ZMYND8: variants seen among roughly 807,000 people sequenced by gnomAD.
ZMYND8 encodes the protein zinc finger MYND-type containing 8, also known as MYND-type zinc finger-containing chromatin reader ZMYND8.
Under a neutral mutation model 140.8 loss-of-function variants are expected in ZMYND8, and 37 were observed. The observed-to-expected ratio is 0.26, with a 90% confidence interval of 0.20 to 0.35. The LOEUF (loss-of-function observed/expected upper bound fraction) is 0.35. ZMYND8 is among the 10% of genes least tolerant of loss of function. The pLI is 1.00. For missense variants in ZMYND8, 1,068 were observed against 1,570.0 expected (o/e 0.68, Z 5.40); for synonymous variants, 592 against 597.1 (o/e 0.99, Z 0.12).
chr20:47,222,122 AT>A (rs1180788010), intron 19 of ZMYND8, among the ~76,000 whole-genome samples: 1 of 152,208 alleles, frequency 6.6e-6, no homozygotes, highest in Non-Finnish European at 1.5e-5. Flanking sequence ...GGAGACCTAT[AT>A]TTTTAGCCCC....
rs1262247576 is a variant in ZMYND8, at chr20:47,236,448, A to G, written c.2734T>C (p.Ser912Pro). The G allele has an allele frequency of 1.9e-6, 3 of 1,613,374 alleles. No individual in the cohort carries two copies. In the South Asian group the frequency reaches 3.3e-5, roughly 18 times the overall value. The change falls in exon 16 of 23, where the codon TCA becomes CCA. Residue 912 changes from serine to proline, a missense_variant. Ser to Pro is a moderately conservative substitution (Grantham distance 74). Coordinates refer to ENST00000471951, the MANE Select transcript of ZMYND8 (RefSeq NM_001281775.3). The stretch of plus-strand genomic sequence containing the variant: ...CCCGAGCTGGTGACCAGGGGCGATG[A>G]CTGTGTGCTGGTCACCAGGGTGATG... ...STITLVTSTQ[S>P]SPLVTSSGSM...
chr20:47,324,572 C>T (rs1363405376), intron 2 of ZMYND8, among the ~76,000 whole-genome samples: 1 of 152,090 alleles, frequency 6.6e-6, no homozygotes, highest in Non-Finnish European at 1.5e-5. Context: ...CTGCTTAAAA[C>T]CCTCAAAGAG....
chr20:47,341,859 C>T (rs2081920971), intron 2 of ZMYND8, among the ~76,000 whole-genome samples: 1 of 151,978 alleles, frequency 6.6e-6, no homozygotes, highest in South Asian at 2.1e-4. Flanking sequence ...AAAAATTAGC[C>T]GGGCGTGGTG....
rs546178669 is a variant in ZMYND8, at chr20:47,262,373, C to T, written c.1536G>A (p.Lys512=). ...GQAGSLSGSP[K]PFSPQLSAPI... is the part of the protein sequence containing the mutation. ...GAGCTGACAGTTGAGGAGAGAAGGG[C>T]TTTGGGCTGCCGGATAAACTCCCTG... The change falls in exon 12 of 23, where the codon AAG becomes AAA. Residue 512 remains lysine (K), a synonymous_variant. Coordinates refer to ENST00000471951, the MANE Select transcript of ZMYND8 (RefSeq NM_001281775.3). 18 of 1,613,844 alleles carry T rather than the reference C, an allele frequency of 1.1e-5. 2 individuals carry two copies. In the South Asian group the frequency reaches 1.6e-4, roughly 15 times the overall value.
intron 3 of ZMYND8, among the ~76,000 whole-genome samples, chr20:47,301,417 A>C (rs2078039444): frequency 2.0e-5 from 3 of 151,968 alleles, no homozygotes; most frequent in Admixed American, 2.0e-4. Flanking sequence ...CTGCCTCCCA[A>C]AGTGCTGGGA....
intron 11 of ZMYND8, among the ~76,000 whole-genome samples, chr20:47,269,807 T>C (rs929887007): frequency 2.0e-5 from 3 of 152,186 alleles, no homozygotes; most frequent in Admixed American, 2.0e-4. Flanking sequence ...ACCTGTATGT[T>C]CAAAGTGCCG....
intron 12 of ZMYND8, among the ~76,000 whole-genome samples, chr20:47,255,362 T>TA (rs1405933805): frequency 4.0e-5 from 6 of 151,800 alleles, no homozygotes; most frequent in Non-Finnish European, 8.8e-5. Flanking sequence ...TCATTACTTA[T>TA]AAAAACAAAC....
Position 47,282,179 on chromosome 20 carries a change from C to A in ZMYND8, c.921G>T (p.Gly307=), listed in dbSNP as rs1333378730. ...GAGCTTTTGCAGGCCAGAATGGAAA[C>A]CCCTTCAGTTTGGCCCAGACCAAAG... ...PHPLVWAKLK[G]FPFWPAKALR... The change falls in exon 10 of 23, where the codon GGG becomes GGT. Residue 307 remains glycine, a synonymous_variant. Transcript: ENST00000471951. 6.2e-7 allele frequency: 1 copy of A among 1,614,106 alleles called. No individual in the cohort carries two copies. Among genetic ancestry groups the A allele is most frequent in the Non-Finnish European group, 8.5e-7 (1 of 1,180,020 alleles).
At chr20:47,238,648 C>G in intron 15 of ZMYND8, 110 bp downstream of exon 15, 3 of 1,520,904 alleles carry the variant, frequency 2.0e-6, no homozygotes, top group Non-Finnish European at 2.7e-6. Flanking sequence ...TACAATGGCC[C>G]GGAAACAAAC....
intron 22 of ZMYND8, among the ~76,000 whole-genome samples, chr20:47,211,963 T>G (rs1381065993): frequency 6.6e-6 from 1 of 152,208 alleles, no homozygotes; most frequent in Non-Finnish European, 1.5e-5. Flanking sequence ...GAACTCTTCT[T>G]AGTCATGTGC....
intron 21 of ZMYND8, among the ~76,000 whole-genome samples, chr20:47,212,967 G>A (rs566116515): frequency 6.6e-6 from 1 of 152,238 alleles, no homozygotes; most frequent in East Asian, 1.9e-4. Context: ...AGGAAATAAG[G>A]TATACAATGA....
intron 1 of ZMYND8, chr20:47,353,517 C>G (rs2082968228): frequency 6.6e-6 from 1 of 152,188 alleles, no homozygotes; most frequent in African/African-American, 2.4e-5. Context: ...AGACTGAACA[C>G]TGACCATTTT....
chr20:47,309,309 A>AT (rs530489567), intron 3 of ZMYND8, among the ~76,000 whole-genome samples: 9,993 of 142,518 alleles, frequency 0.07, 348 homozygotes, highest in South Asian at 0.12. Context: ...TAAACCCTTC[A>AT]TTTTTTTTTT....
At chr20:47,265,049 T>C (rs1441326552) in intron 11 of ZMYND8, among the ~76,000 whole-genome samples, 13 of 103,612 alleles carry the variant, frequency 1.3e-4, no homozygotes, top group African/African-American at 7.1e-4. Context: ...AAAAAATATA[T>C]ATACATATAT....
intron 16 of ZMYND8, among the ~76,000 whole-genome samples, chr20:47,236,079 G>GTCAT (rs1456822811): frequency 1.3e-5 from 2 of 152,200 alleles, no homozygotes; most frequent in African/African-American, 4.8e-5. Context: ...TTCTGATTAT[G>GTCAT]TCATTTGCAC....
At chr20:47,222,469 G>C (rs984060415) in intron 19 of ZMYND8, among the ~76,000 whole-genome samples, 5 of 152,192 alleles carry the variant, frequency 3.3e-5, no homozygotes, top group Middle Eastern at 3.2e-3. Context: ...CCGGGAGGCG[G>C]AGCTTGCAGT....
intron 3 of ZMYND8, 126 bp from the exon 4 acceptor site, chr20:47,299,073 A>G: frequency 2.4e-6 from 2 of 845,916 alleles, no homozygotes; most frequent in Non-Finnish European, 3.8e-6. Context: ...TTAAAAAGCC[A>G]AACTATCTTA....
chr20:47,235,987 C>A (rs1342005931), intron 16 of ZMYND8, among the ~76,000 whole-genome samples: 1 of 152,234 alleles, frequency 6.6e-6, no homozygotes, highest in Non-Finnish European at 1.5e-5. Context: ...TAAATGCAAA[C>A]CAAACCCCTG....
intron 2 of ZMYND8, among the ~76,000 whole-genome samples, chr20:47,314,634 G>A (rs751580517): frequency 4.9e-4 from 75 of 152,254 alleles, no homozygotes; most frequent in Non-Finnish European, 9.3e-4. Flanking sequence ...ACTAGTTTGA[G>A]GAACGCTAGG....
Sources: gnomAD v4.1 joint callset for allele counts (sites outside exome capture counted in the v4.1 genomes callset) on GRCh38, gnomAD v4.1.1 for gene constraint, MANE v1.5 for transcripts, NCBI Gene and HGNC (gene_info 2026-07-23, HGNC 2026-07-21) for gene names.